Variants in PRRC2A observed in about 807,000 individuals in gnomAD.
PRRC2A encodes the protein proline rich coiled-coil 2A.
PRRC2A carries 59 observed loss-of-function variants against 224.6 expected under a neutral mutation model. The observed-to-expected ratio is 0.26, with a 90% CI of 0.21 to 0.33. The LOEUF is 0.33. PRRC2A is among the 10% of genes least tolerant of loss of function. The pLI is 1.00. For synonymous variants in PRRC2A, 1,194 were observed against 1,109.5 expected, an observed-to-expected ratio of 1.08 and a Z score of -1.51; for missense variants, 3,095 against 2,880.7, an observed-to-expected ratio of 1.07 and a Z score of -1.70.
chr6:31,634,072 C>T (rs1331693934), intron 18 of PRRC2A, 83 bp downstream of exon 18: 25 of 1,578,768 alleles, frequency 1.6e-5, no homozygotes, highest in Non-Finnish European at 2.0e-5. Flanking sequence ...TGTTTTCTTT[C>T]CTGTTTCTTT....
At chr6:31,634,044 T>G (rs1460767428) in intron 18 of PRRC2A, 55 bp downstream of exon 18, 2 of 1,588,158 alleles carry the variant, frequency 1.3e-6, no homozygotes, top group Non-Finnish European at 1.7e-6. Context: ...TGAAAATTCT[T>G]CTGGGTTATG....
chr6:31,627,869 G>A lies in PRRC2A; in HGVS notation c.1395G>A (p.Glu465=). 1 of 1,613,096 alleles carries A rather than the reference G, an allele frequency of 6.2e-7. No individual in the cohort carries two copies. Among genetic ancestry groups the A allele is most frequent in the Non-Finnish European group, 8.5e-7 (1 of 1,180,050 alleles). ...QSSSEISLAV[E]RARRRREEEE... ...CATCTGAGATTTCCCTGGCAGTGGA[G>A]CGGGCCCGGCGACGGCGAGAAGAAG... The change falls in exon 12 of 31, where the codon GAG becomes GAA. Residue 465 remains glutamate (E), a synonymous_variant. Transcript: ENST00000376033. This position sits in a 1 kb window ranked among gnomAD's most constrained non-coding sequence, Gnocchi z 5.6.
chr6:31,635,639 C>T lies in PRRC2A; in HGVS notation c.5431C>T (p.Pro1811Ser). The T allele has an allele frequency of 6.2e-7, 1 of 1,612,830 alleles. No homozygotes were observed. Among genetic ancestry groups the T allele is most frequent in the Non-Finnish European group, 8.5e-7 (1 of 1,179,902 alleles). Residue 1811 changes from proline to serine, a missense_variant, in exon 24 of 31, where the codon CCA (proline) becomes TCA (serine). Transcript: ENST00000376033. Reference sequence around the variant, plus strand: ...TCCCAGTGCTGCTGCCTCTGCTGAGCCACAATCCAAGAACCTGGATTCTGG... The same window carrying T: ...TCCCAGTGCTGCTGCCTCTGCTGAGTCACAATCCAAGAACCTGGATTCTGG... ...LLPSAAASAE[P>S]QSKNLDSGHC...
chr6:31,630,499 A>C, intron 14 of PRRC2A, 92 bp from the exon 15 acceptor site: 2 of 1,289,324 alleles, frequency 1.6e-6, no homozygotes, highest in Non-Finnish European at 2.2e-6. Context: ...AAGAGATGGA[A>C]GAGCTGACTT....
Position 31,625,553 on chromosome 6 carries a change from G to A in PRRC2A, c.701G>A (p.Gly234Glu), listed in dbSNP as rs760065944. 6.4e-7 allele frequency: 1 copy of A among 1,572,654 alleles called. No individual in the cohort carries two copies. The highest frequency in any genetic ancestry group is 8.6e-7 in the Non-Finnish European group (1 of 1,156,606). The change falls in exon 7 of 31, where the codon GGG (glycine) becomes GAG (glutamate). Residue 234 changes from glycine (G) to glutamate (E), a missense_variant. Physicochemically the swap from Gly to Glu is moderately conservative, Grantham distance 98 (BLOSUM62 -2). This residue lies in a region of PRRC2A where 287 missense variants were observed against 275.3 expected (regional missense o/e 1.04). Coordinates refer to ENST00000376033, the MANE Select transcript of PRRC2A (RefSeq NM_004638.4). The surrounding 1 kb of genome is among the most constrained non-coding windows in gnomAD (Gnocchi z 4.1). ...KLHHGHDPRG[G>E]LQPSGPPQFP... is the part of the protein sequence containing the mutation. ...CATCATGGTCATGATCCCCGGGGTG[G>A]GCTACAGCCTTCAGGCCCACCCCAG...
intron 5 of PRRC2A, chr6:31,624,759 G>T (rs185209215): frequency 5.1e-6 from 3 of 590,850 alleles, no homozygotes; most frequent in African/African-American, 3.7e-5. Flanking sequence ...GGGTGAGTTT[G>T]AAGGCGGGAA....
Position 31,632,070 on chromosome 6 carries a change from A to T in PRRC2A, c.3397A>T (p.Thr1133Ser). 1.3e-6 allele frequency: 2 copies of T among 1,561,810 alleles called. No individual in the cohort carries two copies. Among genetic ancestry groups the T allele is most frequent in the Non-Finnish European group, 1.7e-6 (2 of 1,151,958 alleles). The change falls in exon 16 of 31, where the codon ACC (threonine) becomes TCC (serine). Residue 1133 changes from threonine to serine, a missense_variant. By Grantham distance (58) the Thr-to-Ser change is moderately conservative. Coordinates refer to ENST00000376033, the MANE Select transcript of PRRC2A (RefSeq NM_004638.4). ...EAPTPKEGTLTQVPLAPPPPG... is the reference protein window; with the variant it reads ...EAPTPKEGTLSQVPLAPPPPG... ...TCCCACACCCAAGGAGGGAACACTC[A>T]CCCAGGTCCCTCTCGCTCCCCCACC...
Position 31,637,068 on chromosome 6 carries a change from C to A in PRRC2A, c.6174C>A (p.Phe2058Leu), listed in dbSNP as rs539672960. 6 of 1,608,922 alleles carry A rather than the reference C, an allele frequency of 3.7e-6. No individual in the cohort carries two copies. The African/African-American group carries it at 8.0e-5, about 22-fold the overall frequency. The change falls in exon 29 of 31, where the codon TTC becomes TTA. Residue 2058 changes from phenylalanine (F) to leucine (L), a missense_variant. Phe to Leu is a conservative substitution (Grantham distance 22). Around this residue, in one of 8 missense-constraint regions of PRRC2A, gnomAD observed 662 missense variants for 609.5 expected, o/e 1.09. Transcript: ENST00000376033. ...AELHPVELKPFQDYQKLSSNL... is the reference protein window; with the variant it reads ...AELHPVELKPLQDYQKLSSNL... Reference sequence around the variant, plus strand: ...TGCATCCAGTGGAACTAAAGCCGTTCCAGGATTATCAAAAACTGAGCAGCA... The same window carrying A: ...TGCATCCAGTGGAACTAAAGCCGTTACAGGATTATCAAAAACTGAGCAGCA...
At position 31,631,634 on chromosome 6, in the gene PRRC2A, C is replaced by T. The variant is rs1776595744; in HGVS notation, c.2961C>T (p.Thr987=). 2.6e-6 allele frequency: 4 copies of T among 1,519,388 alleles called. No individual in the cohort carries two copies. The highest frequency in any genetic ancestry group is 4.5e-5 in the Admixed American group (2 of 44,228). The allele number at this position is 1,519,388 out of a possible 1,614,324, so 94.1% of individuals were successfully genotyped here. Residue 987 remains threonine (T), a synonymous_variant, in exon 16 of 31, where the codon ACC becomes ACT. Coordinates refer to ENST00000376033, the MANE Select transcript of PRRC2A (RefSeq NM_004638.4). This position sits in a 1 kb window ranked among gnomAD's most constrained non-coding sequence, Gnocchi z 4.5. ...KPPKPDPLKI[T]KGKLGGPKET... ...CAAAGCCAGACCCACTCAAGATAAC[C>T]AAGGGGAAGCTAGGGGGCCCCAAGG...
At position 31,636,738 on chromosome 6, in the gene PRRC2A, T is replaced by G. The variant is rs1235277973; in HGVS notation, c.5940T>G (p.Leu1980=). 2 of 1,607,442 alleles carry G rather than the reference T, an allele frequency of 1.2e-6. No individual in the cohort carries two copies. The highest frequency in any genetic ancestry group is 2.2e-5 in the South Asian group (2 of 91,084). The part of the protein sequence containing the change: ...LPSGAPAQQM[L]LPMVDSQLPV... ...ACCCAAATTTCTTGTTACAGATGCT[T>G]CTACCCATGGTAGACTCACAGCTGC... The change falls in exon 28 of 31, where the codon CTT becomes CTG. Residue 1980 remains leucine (L), a synonymous_variant. Coordinates refer to ENST00000376033, the MANE Select transcript of PRRC2A (RefSeq NM_004638.4). The surrounding 1 kb of genome is among the most constrained non-coding windows in gnomAD (Gnocchi z 4.3).
At position 31,623,718 on chromosome 6, in the gene PRRC2A, G is replaced by T. The variant is rs377361357; in HGVS notation, c.113-14G>T. On this transcript the variant is annotated splice_polypyrimidine_tract_variant and intron_variant, in intron 2 of 30. Transcript: ENST00000376033. ...ATGAGGCATTTTCGACCCTCTCTCC[G>T]TCTTGTTCTCCAGTTGCCCCTCGCC... 24 of 1,613,518 alleles carry T rather than the reference G, an allele frequency of 1.5e-5. No homozygotes were observed. The highest frequency in any genetic ancestry group is 1.9e-5 in the Non-Finnish European group (23 of 1,179,650).
Position 31,628,217 on chromosome 6 carries a change from T to C in PRRC2A, c.1743T>C (p.Ser581=). 1 of 1,611,576 alleles carries C rather than the reference T, an allele frequency of 6.2e-7. No individual in the cohort carries two copies. Among genetic ancestry groups the C allele is most frequent in the African/African-American group, 1.3e-5 (1 of 75,034 alleles). The change falls in exon 12 of 31, where the codon AGT becomes AGC. Residue 581 remains serine (S), a synonymous_variant. Coordinates refer to ENST00000376033, the MANE Select transcript of PRRC2A (RefSeq NM_004638.4). The part of the protein sequence containing the change: ...SGGGSTSSTS[S]GSFEASPVEP... ...GTGGCAGTACCAGTAGCACCAGCAG[T>C]GGCAGCTTCGAAGCCAGCCCAGGTA... is the stretch of plus-strand genomic sequence containing the variant.
rs951153451 is a variant in PRRC2A at position 31,636,142 on chromosome 6, A to C, written c.5625-67A>C. On this transcript the variant is annotated intron_variant, in intron 25 of 30. Transcript: ENST00000376033. This position sits in a 1 kb window ranked among gnomAD's most constrained non-coding sequence, Gnocchi z 4.3. ...ACACAGTTCTAGGGTACTAGAAGCT[A>C]GTGGACTTAAGGCATTGCTAGGACT... 2.6e-6 allele frequency: 4 copies of C among 1,556,108 alleles called. No homozygotes were observed. In the African/African-American group the frequency reaches 5.4e-5, roughly 21 times the overall value.
In PRRC2A at chr6:31,634,475, C is replaced by T; in HGVS notation, c.4853C>T (p.Thr1618Ile). The change falls in exon 20 of 31, where the codon ACT becomes ATT. Residue 1618 changes from threonine to isoleucine, a missense_variant. Coordinates refer to ENST00000376033, the MANE Select transcript of PRRC2A (RefSeq NM_004638.4). ...PHIWNRLHTA[T>I]SRKSYRPSSM... ...TGGTTGGTGCTCCCTTCTCCAGCCACTAGCCGAAAGAGTTACCGGCCCAGC... is the reference window on the plus strand; with the variant it reads ...TGGTTGGTGCTCCCTTCTCCAGCCATTAGCCGAAAGAGTTACCGGCCCAGC... The T allele has an allele frequency of 6.2e-7, 1 of 1,612,968 alleles. No individual in the cohort carries two copies. Among genetic ancestry groups the T allele is most frequent in the Non-Finnish European group, 8.5e-7 (1 of 1,179,968 alleles).
rs778344096 is a variant in PRRC2A at position 31,626,125 on chromosome 6, T to C, written c.945T>C (p.Phe315=). ...SILKEDNLKE[F]DQLDQENDDG... ...TCAAAGAGGATAATCTCAAAGAGTT[T>C]GATCAGTTGGATCAGGAGAATGATG... The change falls in exon 9 of 31, where the codon TTT becomes TTC. Residue 315 remains phenylalanine (F), a synonymous_variant. Transcript: ENST00000376033. 2 of 1,612,906 alleles carry C rather than the reference T, an allele frequency of 1.2e-6. No homozygotes were observed. Among genetic ancestry groups the C allele is most frequent in the East Asian group, 2.2e-5 (1 of 44,888 alleles).
rs780778801 is a variant in PRRC2A, at chr6:31,629,855, C to T, written c.2254+10C>T. 3 of 1,613,328 alleles carry T rather than the reference C, an allele frequency of 1.9e-6. No individual in the cohort carries two copies. Among genetic ancestry groups the T allele is most frequent in the Non-Finnish European group, 2.5e-6 (3 of 1,179,732 alleles). ...GGTGTGCATCCCTCTGGTAAGGGGG[C>T]ATGGGAGGAGTGAGAAACAGGAAAG... On this transcript the variant is annotated intron_variant, in intron 14 of 30. Transcript: ENST00000376033.
intron 16 of PRRC2A, 78 bp downstream of exon 16, chr6:31,633,070 G>A: frequency 7.0e-7 from 1 of 1,433,570 alleles, no homozygotes. Context: ...GATAAGTTTG[G>A]GTGGAGTGGA....
intron 2 of PRRC2A, 47 bp downstream of exon 2, chr6:31,622,948 C>T: frequency 1.4e-6 from 2 of 1,444,480 alleles, no homozygotes; most frequent in Non-Finnish European, 1.9e-6. Flanking sequence ...GCTAGGCATG[C>T]ATGGGGCATA....
intron 29 of PRRC2A, 22 bp from the exon 30 acceptor site, chr6:31,637,212 T>G: frequency 1.2e-6 from 2 of 1,606,638 alleles, no homozygotes; most frequent in Non-Finnish European, 1.7e-6. Context: ...TAGGCTTGCC[T>G]TAGACGCCCT....
Sources: gnomAD v4.1 joint callset for allele counts on GRCh38, gnomAD v4.1.1 for gene constraint, gnomAD v4.1.1 regional missense constraint, Gnocchi (gnomAD v3.1) non-coding constraint, MANE v1.5 for transcripts, NCBI Gene and HGNC (gene_info 2026-07-23, HGNC 2026-07-21) for gene names.